LARS1: variants seen among roughly 807,000 people sequenced by gnomAD.
LARS1 encodes the protein leucine--tRNA ligase, cytoplasmic.
In LARS1, 100 loss-of-function variants were observed where a neutral mutation model predicts 162.8. The ratio of observed to expected loss-of-function variants is 0.61; its 90% CI spans 0.52 to 0.73. The LOEUF is 0.73. LARS1 is among the 30% of genes least tolerant of loss of function. The pLI is 0.00. For synonymous variants in LARS1, 457 were observed against 462.8 expected, an observed-to-expected ratio of 0.99 and a Z score of 0.16; for missense variants, 1,258 against 1,408.9, an observed-to-expected ratio of 0.89 and a Z score of 1.71.
chr5:146,148,873 C>T (rs957555889), intron 15 of LARS1, among the ~76,000 whole-genome samples: 2 of 151,834 alleles, frequency 1.3e-5, no homozygotes, highest in Non-Finnish European at 2.9e-5. Context: ...GTCGGGAGTT[C>T]GAGACCAGCC....
At chr5:146,147,583 T>C (rs1234258974) in intron 15 of LARS1, among the ~76,000 whole-genome samples, 1 of 151,954 alleles carries the variant, frequency 6.6e-6, no homozygotes, top group Non-Finnish European at 1.5e-5. Flanking sequence ...TTTGTATTCA[T>C]ACACACACAC....
rs1752353486 is a variant in LARS1, at chr5:146,133,037, C to T, written c.2257G>A (p.Ala753Thr). Residue 753 changes from alanine (A) to threonine (T), a missense_variant, in exon 23 of 32, where the codon GCC (alanine) becomes ACC (threonine). By Grantham distance (58) the Ala-to-Thr change is moderately conservative. Transcript: ENST00000394434. ...LADAGDTVED[A>T]NFVEAMADAG... ...TCTGCCATGGCTTCCACAAAGTTGG[C>T]ATCTTCTACAGTGTCACCAGCATCA... is the stretch of plus-strand genomic sequence containing the variant. 1 of 1,613,910 alleles carries T rather than the reference C, an allele frequency of 6.2e-7. No individual in the cohort carries two copies. Among genetic ancestry groups the T allele is most frequent in the Non-Finnish European group, 8.5e-7 (1 of 1,179,986 alleles).
At chr5:146,151,759 T>G (rs992250735) in intron 14 of LARS1, 103 bp downstream of exon 14, 1 of 1,066,952 alleles carries the variant, frequency 9.4e-7, no homozygotes, top group South Asian at 1.5e-5. Context: ...CTCAAATCAA[T>G]GTATAGCTGA....
At chr5:146,167,758 T>C (rs1337176437) in intron 5 of LARS1, among the ~76,000 whole-genome samples, 1 of 151,404 alleles carries the variant, frequency 6.6e-6, no homozygotes, top group Non-Finnish European at 1.5e-5. Context: ...CTCGATCTCC[T>C]GACCTCATGA....
intron 22 of LARS1, among the ~76,000 whole-genome samples, chr5:146,134,767 G>C (rs953429860): frequency 6.6e-6 from 1 of 152,160 alleles, no homozygotes; most frequent in Non-Finnish European, 1.5e-5. Flanking sequence ...TGGCCAACAA[G>C]GCAAAACCCC....
At chr5:146,152,177 CCTT>C (rs1224962379) in intron 13 of LARS1, among the ~76,000 whole-genome samples, 175 bp from the exon 14 acceptor site, 1 of 152,142 alleles carries the variant, frequency 6.6e-6, no homozygotes, top group East Asian at 1.9e-4. Context: ...GTAAATTTGT[CCTT>C]CTACTCTCCA....
chr5:146,164,448 T>C lies in LARS1; in HGVS notation c.456A>G (p.Gly152=). The part of the protein sequence containing the change: ...GKKSKAAAKA[G]SSKYQWGIMK... ...TAATGCCCCACTGGTATTTAGAAGATCCAGCTTTAGCAGCAGCTTTACTCT... is the reference window on the plus strand; with the variant it reads ...TAATGCCCCACTGGTATTTAGAAGACCCAGCTTTAGCAGCAGCTTTACTCT... The change falls in exon 6 of 32, where the codon GGA becomes GGG. Residue 152 remains glycine, a synonymous_variant. Coordinates refer to ENST00000394434, the MANE Select transcript of LARS1 (RefSeq NM_020117.11). 3 of 1,614,038 alleles carry C rather than the reference T, an allele frequency of 1.9e-6. No homozygotes were observed. The highest frequency in any genetic ancestry group is 2.5e-6 in the Non-Finnish European group (3 of 1,179,964).
In LARS1 at chr5:146,144,549, C is replaced by G. The variant is rs777982043; in HGVS notation, c.1590-12G>C. 6.2e-7 allele frequency: 1 copy of G among 1,613,492 alleles called. No homozygotes were observed. Among genetic ancestry groups the G allele is most frequent in the East Asian group, 2.2e-5 (1 of 44,868 alleles). The stretch of plus-strand genomic sequence containing the variant: ...CATAATCCAAGTACCTGGGAGTGGA[C>G]AAATTGATATGTTTTTTTTTAAGTC... On this transcript the variant is annotated splice_polypyrimidine_tract_variant and intron_variant, in intron 16 of 31. Transcript: ENST00000394434.
At chr5:146,126,582 A>G (rs1283645901) in intron 27 of LARS1, 37 bp from the exon 28 acceptor site, 1 of 1,462,390 alleles carries the variant, frequency 6.8e-7, no homozygotes, top group Admixed American at 1.7e-5. Flanking sequence ...TGTAGAAAAA[A>G]AAGTCTCAAG....
In LARS1 at chr5:146,113,801, GC is replaced by G. The variant is rs1764079156; in HGVS notation, c.*304del. Reference sequence around the variant, plus strand: ...GTATAAAGTACACCTCATAAAAGAAGCATACTGACACTTTTATGTTCATCTT... The same window carrying G: ...GTATAAAGTACACCTCATAAAAGAAGATACTGACACTTTTATGTTCATCTT... On this transcript the variant is annotated 3_prime_UTR_variant, in exon 32 of 32. Coordinates refer to ENST00000394434, the MANE Select transcript of LARS1 (RefSeq NM_020117.11). The G allele has an allele frequency of 3.1e-6, 1 of 318,698 alleles. No individual in the cohort carries two copies. Among genetic ancestry groups the G allele is most frequent in the Non-Finnish European group, 5.8e-6 (1 of 171,622 alleles). The allele number at this position is 318,698 out of a possible 1,614,324, so 19.7% of individuals were successfully genotyped here.
intron 5 of LARS1, among the ~76,000 whole-genome samples, chr5:146,166,309 C>G (rs1753999974): frequency 6.6e-6 from 1 of 152,162 alleles, no homozygotes; most frequent in South Asian, 2.1e-4. Context: ...AAAAAACTCC[C>G]AATGGCCACA....
At chr5:146,147,959 T>G (rs971157820) in intron 15 of LARS1, among the ~76,000 whole-genome samples, 1 of 152,186 alleles carries the variant, frequency 6.6e-6, no homozygotes, top group South Asian at 2.1e-4. Context: ...CATCAGTCAC[T>G]ACCAGAAGAG....
At chr5:146,179,112 A>G (rs1033562240) in intron 1 of LARS1, among the ~76,000 whole-genome samples, 2 of 152,112 alleles carry the variant, frequency 1.3e-5, no homozygotes, top group African/African-American at 4.8e-5. Context: ...TGCGCCTATA[A>G]TCTCAGCTAC....
Position 146,157,774 on chromosome 5 carries a change from T to G in LARS1, c.793A>C (p.Thr265Pro). 1 of 1,614,120 alleles carries G rather than the reference T, an allele frequency of 6.2e-7. No individual in the cohort carries two copies. The highest frequency in any genetic ancestry group is 8.5e-7 in the Non-Finnish European group (1 of 1,180,000). Residue 265 changes from threonine (T) to proline (P), a missense_variant, in exon 9 of 32, where the codon ACT (threonine) becomes CCT (proline). Transcript: ENST00000394434. ...TCAAGCACCTTCAATTTGAGTAAAG[T>G]ATATTCCTGAGGTCCAACACCCTAA... ...TGEGVGPQEY[T>P]LLKLKVLEPY...
Position 146,124,008 on chromosome 5 carries a change from T to G in LARS1, c.3070A>C (p.Ile1024Leu), listed in dbSNP as rs769458473. 5 of 1,607,768 alleles carry G rather than the reference T, an allele frequency of 3.1e-6. No homozygotes were observed. The highest frequency in any genetic ancestry group is 4.3e-6 in the Non-Finnish European group (5 of 1,175,230). ...TCAAGCGAATTAGTCAGATAGACTATATTCTCCATAAGCACAGCCTTTTCA... is the reference window on the plus strand; with the variant it reads ...TCAAGCGAATTAGTCAGATAGACTAGATTCTCCATAAGCACAGCCTTTTCA... The part of the protein sequence containing the change: ...FDEKAVLMEN[I>L]VYLTNSLELE... The change falls in exon 29 of 32, where the codon ATA becomes CTA. Residue 1024 changes from isoleucine (I) to leucine (L), a missense_variant. Ile to Leu is a conservative substitution (Grantham distance 5). Transcript: ENST00000394434.
rs189556492 is a variant in LARS1, at chr5:146,129,016, G to A, written c.2731C>T (p.Leu911=). ...YLMEVTHDLR[L]RLKNYMMPAK... Reference sequence around the variant, plus strand: ...GGCATCATATAGTTCTTGAGTCGTAGTCTAAGGTCATGTGTTACTTCCATA... The same window carrying A: ...GGCATCATATAGTTCTTGAGTCGTAATCTAAGGTCATGTGTTACTTCCATA... Residue 911 remains leucine, a synonymous_variant, in exon 26 of 32, where the codon CTA becomes TTA. Transcript: ENST00000394434. The A allele has an allele frequency of 1.2e-5, 19 of 1,609,726 alleles. No homozygotes were observed. Among genetic ancestry groups the A allele is most frequent in the African/African-American group, 8.0e-5 (6 of 74,598 alleles).
At chr5:146,145,170 T>C (rs935392972) in intron 15 of LARS1, among the ~76,000 whole-genome samples, 3 of 152,126 alleles carry the variant, frequency 2.0e-5, no homozygotes, top group Non-Finnish European at 4.4e-5. Context: ...CTCGACCTCC[T>C]GGCTCATGTG....
At position 146,172,535 on chromosome 5, in the gene LARS1, A is replaced by G. The variant is rs1581085743; in HGVS notation, c.213+152T>C. On this transcript the variant is annotated intron_variant, in intron 3 of 31. Transcript: ENST00000394434. Reference sequence around the variant, plus strand: ...ATCTCAAAAATAAATAAATAAAAATAAAAATAAATTACTTAAATATAAAAA... The same window carrying G: ...ATCTCAAAAATAAATAAATAAAAATGAAAATAAATTACTTAAATATAAAAA... The G allele has an allele frequency of 1.1e-5, 4 of 367,940 alleles. No individual in the cohort carries two copies. In the East Asian group the frequency reaches 2.1e-4, roughly 19 times the overall value. The allele number at this position is 367,940 out of a possible 1,614,324, so 22.8% of individuals were successfully genotyped here.
Position 146,171,922 on chromosome 5 carries a change from T to C in LARS1, c.282A>G (p.Gly94=). ...TTAGCGATCTTACCTTAATAGGCAT[T>C]CCAGTACAGTGCAGGCCAAAGGGAA... is the stretch of plus-strand genomic sequence containing the variant. ...CLFPFGLHCT[G]MPIKACADKL... The change falls in exon 4 of 32, where the codon GGA becomes GGG. Residue 94 remains glycine, a synonymous_variant. Coordinates refer to ENST00000394434, the MANE Select transcript of LARS1 (RefSeq NM_020117.11). 6.2e-7 allele frequency: 1 copy of C among 1,613,542 alleles called. No homozygotes were observed. The highest frequency in any genetic ancestry group is 2.2e-5 in the East Asian group (1 of 44,844).
Sources: allele counts gnomAD v4.1 joint callset (sites outside exome capture counted in the v4.1 genomes callset), GRCh38; gene constraint gnomAD v4.1.1; transcripts MANE v1.5; gene names NCBI Gene and HGNC (gene_info 2026-07-23, HGNC 2026-07-21).